ARMH3: variants seen among roughly 807,000 people sequenced by gnomAD.
The protein encoded by ARMH3 is armadillo like helical domain containing 3.
ARMH3 carries 60 observed loss-of-function variants against 99.1 expected under a neutral mutation model. The observed-to-expected ratio is 0.61, with a 90% CI of 0.49 to 0.75. The LOEUF is 0.75. Ranked by LOEUF, ARMH3 falls within the 30% of genes least tolerant of loss-of-function variation. The pLI, the probability that ARMH3 is intolerant of heterozygous loss-of-function variation, is 0.00. For missense variants in ARMH3, 679 were observed against 843.1 expected (o/e 0.81, Z 2.41); for synonymous variants, 285 against 292.8 (o/e 0.97, Z 0.27).
chr10:102,030,526 T>C lies in ARMH3; in HGVS notation c.307-781A>G, dbSNP rs181755098. Among the ~76,000 whole-genome samples the C allele has an allele frequency of 4.7e-3, 713 of 152,128 alleles. 2 individuals carry two copies. Among genetic ancestry groups the C allele is most frequent in the Admixed American group, 7.1e-3 (108 of 15,280 alleles). ...GAGTTCGAGACCAGCTTGGCCAACA[T>C]GGTGAAACCCAGTCTCTATTAAAAA... is the stretch of plus-strand genomic sequence containing the variant. On this transcript the variant is annotated intron_variant, in intron 4 of 25. Coordinates refer to ENST00000370033, the MANE Select transcript of ARMH3 (RefSeq NM_024541.3).
At chr10:101,919,626 C>T (rs1843225956) in intron 23 of ARMH3, among the ~76,000 whole-genome samples, 1 of 152,154 alleles carries the variant, frequency 6.6e-6, no homozygotes, top group African/African-American at 2.4e-5. Flanking sequence ...TTGTTCTTTA[C>T]TGACCTGCTT....
intron 8 of ARMH3, among the ~76,000 whole-genome samples, chr10:102,017,941 C>T (rs183452635): frequency 6.8e-4 from 103 of 152,196 alleles, no homozygotes; most frequent in African/African-American, 2.2e-3. Context: ...ACTTTCAACC[C>T]GGCCAAATAA....
At chr10:101,874,626 T>C (rs1162778227) in intron 24 of ARMH3, among the ~76,000 whole-genome samples, 1 of 152,154 alleles carries the variant, frequency 6.6e-6, no homozygotes, top group Non-Finnish European at 1.5e-5. Flanking sequence ...AGCTCAATCA[T>C]TTGCTAAGCT....
chr10:101,881,395 C>G (rs2067413072), intron 24 of ARMH3, among the ~76,000 whole-genome samples: 1 of 152,114 alleles, frequency 6.6e-6, no homozygotes. Context: ...TGAAAGCAGG[C>G]TGGTGGTTAC....
At chr10:101,972,142 A>G (rs964387059) in intron 20 of ARMH3, among the ~76,000 whole-genome samples, 4 of 152,206 alleles carry the variant, frequency 2.6e-5, no homozygotes, top group Non-Finnish European at 2.9e-5. Context: ...TTGAACCCCC[A>G]ACTAATACAG....
chr10:101,888,635 T>C (rs546130354), intron 24 of ARMH3, among the ~76,000 whole-genome samples: 5 of 152,352 alleles, frequency 3.3e-5, no homozygotes, highest in African/African-American at 1.2e-4. Flanking sequence ...AGGGCACATA[T>C]GGTCTTCCTA....
chr10:101,932,439 A>T (rs1293644586), intron 23 of ARMH3, among the ~76,000 whole-genome samples: 1 of 152,252 alleles, frequency 6.6e-6, no homozygotes, highest in Admixed American at 6.5e-5. Flanking sequence ...ATGAAAGCAG[A>T]GTCTCAAAGA....
chr10:101,944,304 A>AGC, intron 22 of ARMH3, among the ~76,000 whole-genome samples: 1 of 133,538 alleles, frequency 7.5e-6, no homozygotes, highest in Middle Eastern at 3.8e-3. Flanking sequence ...AGAGAGAGAG[A>AGC]GAGAGAGAGA....
intron 19 of ARMH3, among the ~76,000 whole-genome samples, chr10:101,978,897 G>A (rs558086499): frequency 1.3e-5 from 2 of 152,046 alleles, no homozygotes; most frequent in Non-Finnish European, 2.9e-5. Context: ...CCAAGATGGC[G>A]CCACTGCACT....
At position 101,877,201 on chromosome 10, in the gene ARMH3, G is replaced by A. The variant is rs1049321385; in HGVS notation, c.1860+12211C>T. On this transcript the variant is annotated intron_variant, in intron 24 of 25. Transcript: ENST00000370033. ...GCCTGTAGTCCCAGCTGCTCGAGAG[G>A]CTGAGGCAGGAGGACTGCTTGAGTC... 5.3e-5 allele frequency among the ~76,000 whole-genome samples: 8 copies of A among 152,244 alleles called. No individual in the cohort carries two copies. The East Asian group carries it at 1.5e-3, about 29-fold the overall frequency.
chr10:101,998,890 G>A (rs1429303825), intron 15 of ARMH3, among the ~76,000 whole-genome samples: 1 of 152,180 alleles, frequency 6.6e-6, no homozygotes, highest in East Asian at 1.9e-4. Context: ...AAAAACCATA[G>A]TATTTCAGCA....
At chr10:101,986,992 G>A (rs1429629531) in intron 19 of ARMH3, among the ~76,000 whole-genome samples, 5 of 152,152 alleles carry the variant, frequency 3.3e-5, no homozygotes, top group Admixed American at 1.3e-4. Flanking sequence ...CTCTTTTGAG[G>A]GTGAAGTTAT....
At chr10:101,974,955 T>C (rs1460453944) in intron 20 of ARMH3, among the ~76,000 whole-genome samples, 1 of 145,728 alleles carries the variant, frequency 6.9e-6, no homozygotes, top group Non-Finnish European at 1.5e-5. Flanking sequence ...TTTTTACCAG[T>C]TGACAAAAAA....
At chr10:102,024,751 A>G (rs1285542785) in intron 6 of ARMH3, among the ~76,000 whole-genome samples, 4 of 151,586 alleles carry the variant, frequency 2.6e-5, no homozygotes, top group Non-Finnish European at 5.9e-5. Flanking sequence ...CCCAGGAGGC[A>G]GACGTTGAAG....
At chr10:101,882,188 G>A (rs1035553678) in intron 24 of ARMH3, among the ~76,000 whole-genome samples, 2 of 152,158 alleles carry the variant, frequency 1.3e-5, no homozygotes, top group African/African-American at 4.8e-5. Flanking sequence ...TTTCCAGTGG[G>A]ATATTTCAAA....
chr10:101,862,490 T>C (rs2066896804), intron 24 of ARMH3, among the ~76,000 whole-genome samples: 1 of 152,026 alleles, frequency 6.6e-6, no homozygotes, highest in Admixed American at 6.6e-5. Context: ...GGCAGGAGAA[T>C]TGCTTGATCC....
At chr10:101,905,745 T>C (rs1382814160) in intron 23 of ARMH3, among the ~76,000 whole-genome samples, 1 of 152,176 alleles carries the variant, frequency 6.6e-6, no homozygotes, top group Non-Finnish European at 1.5e-5. Flanking sequence ...CTATCAATGA[T>C]GAAGAATCAA....
rs1212942988 is a variant in ARMH3, at chr10:101,975,144, T to C, written c.1495+68A>G. The C allele has an allele frequency of 1.7e-5, 21 of 1,267,748 alleles. No individual in the cohort carries two copies. The Middle Eastern group carries it at 1.2e-3, about 73-fold the overall frequency. 78.5% of individuals were successfully genotyped at this position (1,267,748 alleles called of 1,614,324 possible). A position where few individuals can be genotyped will look rare whatever the true frequency, so the allele number is the denominator to read the frequency against. ...AAGGTTAAAAAACAAAAAATCCACC[T>C]TGAGCCCAGGCCTAGGGGCTCAAAA... On this transcript the variant is annotated intron_variant, in intron 20 of 25. Coordinates refer to ENST00000370033, the MANE Select transcript of ARMH3 (RefSeq NM_024541.3).
chr10:101,982,193 C>T (rs895880488), intron 19 of ARMH3, among the ~76,000 whole-genome samples: 1 of 151,152 alleles, frequency 6.6e-6, no homozygotes, highest in Admixed American at 6.6e-5. Flanking sequence ...CCAACCTAGT[C>T]AACATGGTGA....
Sources: gnomAD v4.1 joint callset for allele counts (sites outside exome capture counted in the v4.1 genomes callset) on GRCh38, gnomAD v4.1.1 for gene constraint, MANE v1.5 for transcripts, NCBI Gene and HGNC (gene_info 2026-07-23, HGNC 2026-07-21) for gene names.